The following CFAP61 variants were observed in gnomAD, a reference collection of about 807,000 sequenced individuals.
CFAP61 encodes the protein cilia and flagella associated protein 61, also known as cilia- and flagella-associated protein 61.
CFAP61 carries 107 observed loss-of-function variants against 135.6 expected under a neutral mutation model. The ratio of observed to expected loss-of-function variants is 0.79; its 90% CI spans 0.67 to 0.93. CFAP61 has a LOEUF of 0.93. Among genes scored for constraint, CFAP61 ranks in the 40% least tolerant of loss-of-function variants. The pLI is 0.00. For missense variants in CFAP61, 1,507 were observed against 1,556.2 expected (o/e 0.97, Z 0.53); for synonymous variants, 575 against 578.5 (o/e 0.99, Z 0.09).
intron 17 of CFAP61, among the ~76,000 whole-genome samples, chr20:20,224,016 T>C (rs1034984210): frequency 6.6e-6 from 1 of 152,232 alleles, no homozygotes; most frequent in African/African-American, 2.4e-5. Context: ...TTGATGTATC[T>C]ATTCTTTTAC....
At chr20:20,140,260 G>C (rs559109143) in intron 8 of CFAP61, among the ~76,000 whole-genome samples, 23 of 148,926 alleles carry the variant, frequency 1.5e-4, no homozygotes, top group Non-Finnish European at 3.3e-4. Flanking sequence ...TGTTACATAT[G>C]TATACATATG....
At chr20:20,139,197 G>A (rs567548287) in intron 8 of CFAP61, among the ~76,000 whole-genome samples, 1 of 152,300 alleles carries the variant, frequency 6.6e-6, no homozygotes, top group East Asian at 1.9e-4. Context: ...AAAGAGCGGG[G>A]TAGATCCAGA....
chr20:20,115,010 TGAAGA>T (rs2049041778), intron 8 of CFAP61, among the ~76,000 whole-genome samples: 3 of 152,332 alleles, frequency 2.0e-5, no homozygotes, highest in South Asian at 4.1e-4. Context: ...TCTATTCTGT[TGAAGA>T]GATGAATTAC....
chr20:20,075,561 T>A lies in CFAP61; in HGVS notation c.512T>A (p.Val171Glu), dbSNP rs1238345041. The A allele has an allele frequency of 6.2e-7, 1 of 1,614,188 alleles. No homozygotes were observed. Among genetic ancestry groups the A allele is most frequent in the East Asian group, 2.2e-5 (1 of 44,876 alleles). The change falls in exon 6 of 27, where the codon GTG (valine) becomes GAG (glutamate). Residue 171 changes from valine to glutamate, a missense_variant. Coordinates refer to ENST00000245957, the MANE Select transcript of CFAP61 (RefSeq NM_015585.4). ...CTGACGTATGAGGAAGACTTTGCAG[T>A]GCATATATGTCACAGGCACAGCCAC... ...PCLTYEEDFA[V>E]HICHRHSHYP...
At chr20:20,272,965 T>C (rs1435879321) in intron 21 of CFAP61, among the ~76,000 whole-genome samples, 1 of 151,974 alleles carries the variant, frequency 6.6e-6, no homozygotes, top group Non-Finnish European at 1.5e-5. Context: ...GGTGGAAATC[T>C]CTCAAACTTC....
chr20:20,325,693 A>G (rs1056685077), intron 25 of CFAP61, among the ~76,000 whole-genome samples: 1 of 152,234 alleles, frequency 6.6e-6, no homozygotes, highest in South Asian at 2.1e-4. Context: ...AAGTTTTTGT[A>G]TGGGCATAAG....
intron 1 of CFAP61, chr20:20,056,023 C>G (rs1291754421): frequency 1.2e-6 from 2 of 1,600,790 alleles, no homozygotes; most frequent in African/African-American, 1.3e-5. Flanking sequence ...ATTAGAGATT[C>G]TCTTCCCAAA....
chr20:20,173,401 G>C (rs893468983), intron 13 of CFAP61, among the ~76,000 whole-genome samples: 1 of 152,196 alleles, frequency 6.6e-6, no homozygotes, highest in Non-Finnish European at 1.5e-5. Flanking sequence ...CACCAGCAGT[G>C]AATGAGAGTT....
At chr20:20,304,824 C>A (rs1185007998) in intron 25 of CFAP61, among the ~76,000 whole-genome samples, 1 of 151,970 alleles carries the variant, frequency 6.6e-6, no homozygotes, top group Non-Finnish European at 1.5e-5. Flanking sequence ...GTCAGGTACC[C>A]GAACACCCCT....
At chr20:20,177,765 A>G (rs555777475) in intron 13 of CFAP61, among the ~76,000 whole-genome samples, 2 of 149,214 alleles carry the variant, frequency 1.3e-5, no homozygotes, top group South Asian at 2.2e-4. Flanking sequence ...CGTGAAGAGT[A>G]TAGCAGGTGT....
intron 9 of CFAP61, among the ~76,000 whole-genome samples, chr20:20,143,796 A>G (rs2051620809): frequency 6.6e-6 from 1 of 152,232 alleles, no homozygotes; most frequent in Non-Finnish European, 1.5e-5. Flanking sequence ...GACAGAGTGC[A>G]CAGAGAGAGA....
At chr20:20,193,162 G>T (rs1569103343) in intron 15 of CFAP61, among the ~76,000 whole-genome samples, 1 of 152,074 alleles carries the variant, frequency 6.6e-6, no homozygotes, top group Non-Finnish European at 1.5e-5. Context: ...TCCAGTTTTA[G>T]TGTATGGATA....
In CFAP61 at chr20:20,341,827, C is replaced by A. The variant is rs758796310; in HGVS notation, c.3423-4C>A. On this transcript the variant is annotated splice_region_variant and splice_polypyrimidine_tract_variant and intron_variant, in intron 25 of 26. Transcript: ENST00000245957. ...GCTCACTGAGTCTCTTCTTTCCTTA[C>A]CAGCTACTTCACCGAGCCGTGGTGC... The A allele has an allele frequency of 4.3e-6, 7 of 1,611,206 alleles. No individual in the cohort carries two copies. Among genetic ancestry groups the A allele is most frequent in the African/African-American group, 1.3e-5 (1 of 74,878 alleles).
chr20:20,230,986 A>G (rs2049090870), intron 18 of CFAP61, among the ~76,000 whole-genome samples: 1 of 152,210 alleles, frequency 6.6e-6, no homozygotes, highest in Non-Finnish European at 1.5e-5. Context: ...CTGACAACAA[A>G]ACAAACACAA....
At chr20:20,162,042 G>A (rs1338549025) in intron 10 of CFAP61, among the ~76,000 whole-genome samples, 3 of 152,196 alleles carry the variant, frequency 2.0e-5, no homozygotes, top group Non-Finnish European at 4.4e-5. Flanking sequence ...GTAGACAGGG[G>A]CGTGTTCCTT....
At chr20:20,111,127 G>C (rs1331987568) in intron 8 of CFAP61, among the ~76,000 whole-genome samples, 1 of 152,116 alleles carries the variant, frequency 6.6e-6, no homozygotes, top group Non-Finnish European at 1.5e-5. Context: ...CCCCAATTTT[G>C]ATCAAAGATA....
At chr20:20,191,113 C>G (rs1409598785) in intron 14 of CFAP61, among the ~76,000 whole-genome samples, 1 of 151,302 alleles carries the variant, frequency 6.6e-6, no homozygotes, top group Non-Finnish European at 1.5e-5. Context: ...AACTCCATCT[C>G]AAAAAAAATA....
chr20:20,217,404 C>A (rs2048108186), intron 17 of CFAP61, among the ~76,000 whole-genome samples: 1 of 152,160 alleles, frequency 6.6e-6, no homozygotes, highest in African/African-American at 2.4e-5. Context: ...TAGAGTCGCG[C>A]ATGTTAGCTT....
chr20:20,319,098 C>G (rs2057299219), intron 25 of CFAP61, among the ~76,000 whole-genome samples: 2 of 152,310 alleles, frequency 1.3e-5, no homozygotes, highest in Admixed American at 1.3e-4. Flanking sequence ...TACAGCCTGT[C>G]CTAAGTTATC....
Sources: gnomAD v4.1 joint callset for allele counts (sites outside exome capture counted in the v4.1 genomes callset) on GRCh38, gnomAD v4.1.1 for gene constraint, MANE v1.5 for transcripts, NCBI Gene and HGNC (gene_info 2026-07-23, HGNC 2026-07-21) for gene names.